FMN2: variants seen among roughly 807,000 people sequenced by gnomAD.
FMN2 encodes the protein formin 2.
Under a neutral mutation model 142.3 loss-of-function variants are expected in FMN2, and 51 were observed. That is an observed-to-expected ratio of 0.36 (90% CI 0.29 to 0.45). FMN2 has a LOEUF of 0.45. Ranked by LOEUF, FMN2 falls within the 20% of genes least tolerant of loss-of-function variation. The probability of loss-of-function intolerance (pLI) is 1.00; values close to 1 mark genes in which losing one functional copy is unlikely to be tolerated. For synonymous variants in FMN2, 882 were observed against 869.8 expected (o/e 1.01, Z -0.25); for missense variants, 1,936 against 2,122.8 (o/e 0.91, Z 1.73).
intron 7 of FMN2, among the ~76,000 whole-genome samples, chr1:240,276,897 C>T (rs1398149870): frequency 7.2e-5 from 11 of 152,290 alleles, no homozygotes; most frequent in Admixed American, 7.2e-4. Context: ...ACAGAATGCT[C>T]AGTGTTGCCT....
At chr1:240,456,001 A>G (rs1676231807) in intron 16 of FMN2, among the ~76,000 whole-genome samples, 1 of 149,928 alleles carries the variant, frequency 6.7e-6, no homozygotes. Context: ...AATAATAATA[A>G]TAAGTTGCAT....
At chr1:240,183,154 T>C (rs971876169) in intron 3 of FMN2, among the ~76,000 whole-genome samples, 1 of 151,666 alleles carries the variant, frequency 6.6e-6, no homozygotes, top group African/African-American at 2.4e-5. Flanking sequence ...TGGGCTTAAG[T>C]GATCCTCCCA....
rs777504752 is a variant in FMN2, at chr1:240,178,000, G to A, written c.1862G>A (p.Arg621Gln). The A allele has an allele frequency of 6.2e-6, 10 of 1,612,610 alleles. No homozygotes were observed. The highest frequency in any genetic ancestry group is 1.7e-5 in the Admixed American group (1 of 59,606). ...TATTCAGAAGGGCAGTTTCCTAGGC[G>A]AGTTCCATCCATGGGGCCACCATCC... ...LDYSEGQFPR[R>Q]VPSMGPPSKP... is the part of the protein sequence containing the mutation. The change falls in exon 3 of 18, where the codon CGA (arginine) becomes CAA (glutamine). Residue 621 changes from arginine to glutamine, a missense_variant. This residue lies in a region of FMN2 where 478 missense variants were observed against 462.8 expected (regional missense o/e 1.03). Coordinates refer to ENST00000319653, the MANE Select transcript of FMN2 (RefSeq NM_020066.5).
chr1:240,342,383 A>T (rs1332909729), intron 13 of FMN2, among the ~76,000 whole-genome samples: 1 of 152,192 alleles, frequency 6.6e-6, no homozygotes, highest in Non-Finnish European at 1.5e-5. Flanking sequence ...ACTGCTTAGG[A>T]TGGTTTCATA....
intron 1 of FMN2, among the ~76,000 whole-genome samples, chr1:240,107,485 C>A (rs1161255361): frequency 3.3e-5 from 5 of 152,066 alleles, no homozygotes; most frequent in Admixed American, 6.6e-5. Flanking sequence ...ATAGATACAA[C>A]AATTAAATTA....
intron 7 of FMN2, among the ~76,000 whole-genome samples, chr1:240,280,571 T>G (rs1252205762): frequency 1.3e-5 from 2 of 152,136 alleles, no homozygotes; most frequent in African/African-American, 2.4e-5. Flanking sequence ...AAGCCCTCTT[T>G]TACAAGAGCA....
intron 6 of FMN2, among the ~76,000 whole-genome samples, chr1:240,228,776 A>T (rs1443122923): frequency 1.4e-5 from 2 of 145,822 alleles, no homozygotes; most frequent in Non-Finnish European, 3.1e-5. Context: ...TCAACCTCAA[A>T]AAACCTTAAG....
intron 13 of FMN2, among the ~76,000 whole-genome samples, chr1:240,353,759 G>A (rs540914529): frequency 6.6e-6 from 1 of 152,246 alleles, no homozygotes; most frequent in South Asian, 2.1e-4. Flanking sequence ...CAGGTAACAT[G>A]CTTAATGTGC....
intron 7 of FMN2, among the ~76,000 whole-genome samples, chr1:240,267,014 T>C (rs1038464391): frequency 6.6e-6 from 1 of 152,012 alleles, no homozygotes; most frequent in Admixed American, 6.6e-5. Flanking sequence ...ACCTAGGAAA[T>C]ACCATTCGGG....
intron 15 of FMN2, among the ~76,000 whole-genome samples, chr1:240,421,477 G>A (rs2103142989): frequency 6.6e-6 from 1 of 152,174 alleles, no homozygotes; most frequent in Non-Finnish European, 1.5e-5. Flanking sequence ...AAAGATGGGA[G>A]ATCGGATGTC....
chr1:240,099,151 CTG>C (rs761007529), intron 1 of FMN2, among the ~76,000 whole-genome samples: 1 of 151,974 alleles, frequency 6.6e-6, no homozygotes, highest in Non-Finnish European at 1.5e-5. Context: ...AGGCACTTAA[CTG>C]GGGCTATTTG....
intron 13 of FMN2, among the ~76,000 whole-genome samples, chr1:240,354,546 G>A (rs1672202504): frequency 6.6e-6 from 1 of 152,166 alleles, no homozygotes; most frequent in Non-Finnish European, 1.5e-5. Flanking sequence ...GCCTGCAAGA[G>A]GCTACCTGGG....
chr1:240,283,883 T>TGAC (rs1216386046), intron 7 of FMN2, among the ~76,000 whole-genome samples: 1 of 152,176 alleles, frequency 6.6e-6, no homozygotes, highest in Non-Finnish European at 1.5e-5. Context: ...TCCTTCCAGG[T>TGAC]GACCATAGGA....
intron 15 of FMN2, among the ~76,000 whole-genome samples, chr1:240,420,559 G>C (rs1414686057): frequency 6.6e-6 from 1 of 152,204 alleles, no homozygotes; most frequent in Non-Finnish European, 1.5e-5. Context: ...TAGCTTCTGA[G>C]GGGGCGGGCC....
At chr1:240,396,493 C>T (rs1443739797) in intron 15 of FMN2, among the ~76,000 whole-genome samples, 2 of 151,188 alleles carry the variant, frequency 1.3e-5, no homozygotes, top group African/African-American at 2.4e-5. Flanking sequence ...AAGGGGTACA[C>T]GTGCAGGTTT....
chr1:240,459,486 G>C (rs1200430438), intron 16 of FMN2: 2 of 152,194 alleles, frequency 1.3e-5, no homozygotes, highest in Non-Finnish European at 2.9e-5. Context: ...TTGGGAGGCT[G>C]AGGTGGGCGG....
chr1:240,160,754 A>G (rs1341040442), intron 2 of FMN2, among the ~76,000 whole-genome samples: 4 of 152,142 alleles, frequency 2.6e-5, no homozygotes, highest in African/African-American at 7.2e-5. Context: ...AATTATTCCT[A>G]TATGGTCTAG....
chr1:240,252,163 C>G (rs1407511427), intron 6 of FMN2, among the ~76,000 whole-genome samples: 1 of 152,166 alleles, frequency 6.6e-6, no homozygotes, highest in Non-Finnish European at 1.5e-5. Context: ...CCTGCCTCAC[C>G]CTCCCAAAGT....
intron 15 of FMN2, among the ~76,000 whole-genome samples, chr1:240,423,498 G>T (rs1414659): frequency 0.44 from 67,095 of 152,022 alleles, 15,240 homozygotes; most frequent in African/African-American, 0.54. Flanking sequence ...CATACTGAGA[G>T]GCTTTATGAT....
Sources: allele counts gnomAD v4.1 joint callset (sites outside exome capture counted in the v4.1 genomes callset), GRCh38; gene constraint gnomAD v4.1.1; regional missense constraint gnomAD v4.1.1; transcripts MANE v1.5; gene names NCBI Gene and HGNC (gene_info 2026-07-23, HGNC 2026-07-21).